The following AHCY variants were observed in gnomAD, a reference collection of about 807,000 sequenced individuals.
The protein encoded by AHCY is S-adenosyl-L-homocysteine hydrolase.
A neutral mutation model predicts 45.4 loss-of-function variants in AHCY; 24 were observed. That is an observed-to-expected ratio of 0.53 (90% CI 0.38 to 0.74). AHCY has a LOEUF of 0.74. Among genes scored for constraint, AHCY ranks in the 30% least tolerant of loss-of-function variants. The probability of loss-of-function intolerance (pLI) is 0.00; values close to 1 mark genes in which losing one functional copy is unlikely to be tolerated. For missense variants in AHCY, 449 were observed against 594.1 expected (o/e 0.76, Z 2.54); for synonymous variants, 245 against 235.1 (o/e 1.04, Z -0.39).
the AHCY span, among the ~76,000 whole-genome samples, chr20:34,258,759 T>G: frequency 1.1e-5 from 1 of 92,898 alleles, no homozygotes; most frequent in Non-Finnish European, 2.0e-5. Context: ...ATATAATATA[T>G]GATATATATA....
At chr20:34,259,722 C>T in the AHCY span, among the ~76,000 whole-genome samples, 2 of 151,678 alleles carry the variant, frequency 1.3e-5, no homozygotes, top group Non-Finnish European at 2.9e-5. Flanking sequence ...TGCACTCTAG[C>T]CTGGGCAACA....
chr20:34,302,006 GTTT>G (rs5841170), intron 1 of AHCY: 1 of 833,148 alleles, frequency 1.2e-6, no homozygotes, highest in Non-Finnish European at 1.4e-6. Context: ...TTTTTTGTTT[GTTT>G]TTTTTTTTTG....
At chr20:34,293,188 A>G (rs943321921) in intron 3 of AHCY, among the ~76,000 whole-genome samples, 2 of 152,116 alleles carry the variant, frequency 1.3e-5, no homozygotes, top group African/African-American at 4.8e-5. Flanking sequence ...ATGCCCAGAG[A>G]GGAGCTAAGA....
At chr20:34,279,707 G>T (rs1250977632), downstream of AHCY, among the ~76,000 whole-genome samples, 1 of 152,218 alleles carries the variant, frequency 6.6e-6, no homozygotes, top group Admixed American at 6.5e-5. Flanking sequence ...ATCTAAGCCA[G>T]AGTGAGCAGT....
the AHCY span, among the ~76,000 whole-genome samples, chr20:34,232,838 C>G: frequency 6.6e-6 from 1 of 152,232 alleles, no homozygotes; most frequent in African/African-American, 2.4e-5. Flanking sequence ...ACTGGTTTGA[C>G]AAACCCAGCA....
At chr20:34,272,635 C>G in the AHCY span, among the ~76,000 whole-genome samples, 2 of 152,128 alleles carry the variant, frequency 1.3e-5, no homozygotes, top group Middle Eastern at 3.2e-3. Flanking sequence ...ACCTGTAATC[C>G]CAGCACTTTG....
chr20:34,246,753 G>A, the AHCY span, among the ~76,000 whole-genome samples: 3 of 151,974 alleles, frequency 2.0e-5, no homozygotes, highest in African/African-American at 4.8e-5. Flanking sequence ...CCCCTGTGCC[G>A]GGCCTTCATC....
rs1335581702 is a variant in AHCY at position 34,280,328 on chromosome 20, A to G, written c.*706T>C. 1.3e-5 allele frequency: 2 copies of G among 152,244 alleles called. No individual in the cohort carries two copies. The highest frequency in any genetic ancestry group is 1.3e-4 in the Admixed American group (2 of 15,276). 9.4% of individuals were successfully genotyped at this position (152,244 alleles called of 1,614,324 possible). A position where few individuals can be genotyped will look rare whatever the true frequency, so the allele number is the denominator to read the frequency against. Reference sequence around the variant, plus strand: ...TGCTTTCTTTTAACATTATAGGCCAAATTATTCTCTTTTTGACCCAGGGTT... The same window carrying G: ...TGCTTTCTTTTAACATTATAGGCCAGATTATTCTCTTTTTGACCCAGGGTT... On this transcript the variant is annotated 3_prime_UTR_variant, in exon 10 of 10. Coordinates refer to ENST00000217426, the MANE Select transcript of AHCY (RefSeq NM_000687.4).
At chr20:34,248,960 A>G in the AHCY span, among the ~76,000 whole-genome samples, 2 of 141,998 alleles carry the variant, frequency 1.4e-5, no homozygotes, top group African/African-American at 5.5e-5. Flanking sequence ...TCTACCAAAA[A>G]TACAAAAAAA....
Position 34,310,080 on chromosome 20 carries a change from G to A in AHCY, c.-57+1392C>T, listed in dbSNP as rs751263429. Among the ~76,000 whole-genome samples the A allele has an allele frequency of 3.9e-4, 59 of 151,972 alleles. 1 individual carries two copies. Among genetic ancestry groups the A allele is most frequent in the Admixed American group, 2.1e-3 (32 of 15,242 alleles). On this transcript the variant is annotated intron_variant, in intron 1 of 9. Coordinates refer to the AHCY transcript ENST00000538132. ...TGATGAATTTTTTTTTTGAGACAGA[G>A]TCTCACACTGTTACCCGGGCTGGAA...
chr20:34,258,013 A>G, the AHCY span, among the ~76,000 whole-genome samples: 2 of 151,970 alleles, frequency 1.3e-5, no homozygotes, highest in Admixed American at 1.3e-4. Context: ...GCGTGGTGGC[A>G]AGCACCTGTA....
chr20:34,239,167 C>A, the AHCY span, among the ~76,000 whole-genome samples: 1 of 152,152 alleles, frequency 6.6e-6, no homozygotes, highest in Non-Finnish European at 1.5e-5. Context: ...TCCCATCCCC[C>A]ATCTCACCAC....
chr20:34,307,382 T>C (rs1242555979), upstream of AHCY, among the ~76,000 whole-genome samples: 1 of 152,132 alleles, frequency 6.6e-6, no homozygotes, highest in Non-Finnish European at 1.5e-5. Context: ...TTTTGTTTTT[T>C]GTTTTTTTTG....
chr20:34,249,047 T>G, the AHCY span, among the ~76,000 whole-genome samples: 1 of 151,464 alleles, frequency 6.6e-6, no homozygotes, highest in Admixed American at 6.6e-5. Flanking sequence ...GAGAATTGCT[T>G]GAACCCTGAA....
chr20:34,297,178 A>T (rs1368952732), intron 1 of AHCY, among the ~76,000 whole-genome samples: 1 of 151,460 alleles, frequency 6.6e-6, no homozygotes, highest in African/African-American at 2.4e-5. Flanking sequence ...CCCTTTGAGA[A>T]CTCACTTGGC....
the AHCY span, among the ~76,000 whole-genome samples, chr20:34,232,431 T>C: frequency 6.6e-6 from 1 of 152,086 alleles, no homozygotes; most frequent in African/African-American, 2.4e-5. Flanking sequence ...TTAATCTGAT[T>C]AGTAGAGGTT....
chr20:34,295,330 G>C (rs368067303), intron 2 of AHCY, 65 bp downstream of exon 2: 2 of 1,594,724 alleles, frequency 1.3e-6, no homozygotes, highest in African/African-American at 2.7e-5. Context: ...TGGCACAGTC[G>C]TCTTCTTCCC....
At chr20:34,259,551 G>A in the AHCY span, among the ~76,000 whole-genome samples, 66 of 151,848 alleles carry the variant, frequency 4.3e-4, 1 homozygote, top group Non-Finnish European at 4.1e-4. Context: ...AAAATGCTTA[G>A]TCTGGCCAAT....
At chr20:34,284,894 G>C (rs1378191237) in intron 9 of AHCY, among the ~76,000 whole-genome samples, 1 of 152,110 alleles carries the variant, frequency 6.6e-6, no homozygotes, top group African/African-American at 2.4e-5. Context: ...TAGAGATCTT[G>C]GTATCTCTGG....
Sources: allele counts gnomAD v4.1 joint callset (sites outside exome capture counted in the v4.1 genomes callset), GRCh38; gene constraint gnomAD v4.1.1; transcripts MANE v1.5; gene names NCBI Gene and HGNC (gene_info 2026-07-23, HGNC 2026-07-21).